The following GRAMD2A variants were observed in gnomAD, a reference collection of about 807,000 sequenced individuals.
The protein encoded by GRAMD2A is GRAM domain-containing protein 2A.
Under a neutral mutation model 51.1 loss-of-function variants are expected in GRAMD2A, and 37 were observed. That is an observed-to-expected ratio of 0.72 (90% CI 0.56 to 0.95). The LOEUF is 0.95. Ranked by LOEUF, GRAMD2A falls within the 40% of genes least tolerant of loss-of-function variation. GRAMD2A has a pLI of 0.00. For synonymous variants in GRAMD2A, 136 were observed against 157.1 expected (o/e 0.87, Z 1.01); for missense variants, 414 against 426.9 (o/e 0.97, Z 0.27).
intron 8 of GRAMD2A, chr15:72,163,994 C>T: frequency 4.3e-6 from 2 of 460,532 alleles, no homozygotes; most frequent in Non-Finnish European, 3.8e-6. Flanking sequence ...TTGAACACTG[C>T]TAGTGTAGAA....
Position 72,163,295 on chromosome 15 carries a change from A to C in GRAMD2A, c.927T>G (p.Asp309Glu). 2.5e-6 allele frequency: 4 copies of C among 1,614,020 alleles called. No individual in the cohort carries two copies. The highest frequency in any genetic ancestry group is 3.4e-6 in the Non-Finnish European group (4 of 1,179,924). ...CAAAGAAGACCTTGAGGAGCCGGTA[A>C]TCCCAGAGCCTCAGCTCCCCAGTGC... ...PRSTGELRLW[D>E]YRLLKVFFVL... The change falls in exon 10 of 12, where the codon GAT becomes GAG. Residue 309 changes from aspartate (D) to glutamate (E), a missense_variant. Asp to Glu is a conservative substitution (Grantham distance 45). Transcript: ENST00000309731.
rs777791404 is a variant in GRAMD2A at position 72,168,478 on chromosome 15, G to T, written c.268+13C>A. 4 of 1,607,364 alleles carry T rather than the reference G, an allele frequency of 2.5e-6. No homozygotes were observed. In the South Asian group the frequency reaches 3.3e-5, roughly 13 times the overall value. On this transcript the variant is annotated intron_variant, in intron 4 of 11. Transcript: ENST00000309731. The stretch of plus-strand genomic sequence containing the variant: ...TCTGGGTGCCTAACCAGCTATACCG[G>T]GAGACAGCTCACCTTTGAGAACCAC...
chr15:72,196,470 C>G (rs2081805960), intron 1 of GRAMD2A, among the ~76,000 whole-genome samples: 1 of 151,786 alleles, frequency 6.6e-6, no homozygotes, highest in African/African-American at 2.4e-5. Flanking sequence ...GAGCCAAGAT[C>G]CCACCACGGC....
chr15:72,192,043 T>C (rs2081771472), intron 1 of GRAMD2A, among the ~76,000 whole-genome samples: 1 of 152,222 alleles, frequency 6.6e-6, no homozygotes. Flanking sequence ...AATAATGATA[T>C]TGTAGAAATA....
chr15:72,165,853 C>T (rs566018274), intron 7 of GRAMD2A, among the ~76,000 whole-genome samples: 103 of 150,562 alleles, frequency 6.8e-4, no homozygotes, highest in African/African-American at 1.8e-3. Context: ...TTCCGGTTTT[C>T]GTTTTTTGTT....
intron 1 of GRAMD2A, among the ~76,000 whole-genome samples, chr15:72,194,478 G>A (rs2081790995): frequency 6.6e-6 from 1 of 152,062 alleles, no homozygotes; most frequent in Admixed American, 6.6e-5. Flanking sequence ...TAGCAAGAGG[G>A]CATGCTTATG....
intron 1 of GRAMD2A, among the ~76,000 whole-genome samples, chr15:72,195,438 G>A (rs1280197314): frequency 6.6e-6 from 1 of 152,192 alleles, no homozygotes; most frequent in Non-Finnish European, 1.5e-5. Flanking sequence ...GTTAGGGGCG[G>A]GGTGGAGCCA....
chr15:72,188,549 G>A (rs559252266), intron 1 of GRAMD2A, among the ~76,000 whole-genome samples: 13 of 152,210 alleles, frequency 8.5e-5, no homozygotes, highest in South Asian at 8.3e-4. Context: ...TTGGAAAAGC[G>A]TTCTGTAGAA....
At chr15:72,197,184 G>A (rs969210380) in intron 1 of GRAMD2A, among the ~76,000 whole-genome samples, 3 of 152,076 alleles carry the variant, frequency 2.0e-5, no homozygotes, top group African/African-American at 7.2e-5. Flanking sequence ...GATGGGCCTG[G>A]CGCCCGGGGG....
intron 3 of GRAMD2A, 130 bp from the exon 4 acceptor site, chr15:72,168,696 G>T: frequency 1.2e-6 from 1 of 806,828 alleles, no homozygotes; most frequent in Non-Finnish European, 2.1e-6. Context: ...CAGCTAGTAA[G>T]CAGCCAGTGA....
intron 1 of GRAMD2A, among the ~76,000 whole-genome samples, chr15:72,195,468 G>A (rs1354998623): frequency 6.6e-6 from 1 of 152,248 alleles, no homozygotes; most frequent in Middle Eastern, 3.4e-3. Flanking sequence ...CACTAACAGC[G>A]CAGCAGCTCA....
chr15:72,170,988 T>C lies in GRAMD2A; in HGVS notation c.42-1049A>G, dbSNP rs1034497412. ...CAAGATCTGCCAGGACCCTCAGAGA[T>C]TGATTCAGCCTCACCCGCTCCCACC... On this transcript the variant is annotated intron_variant, in intron 1 of 11. Transcript: ENST00000309731. The surrounding 1 kb of genome is among the most constrained non-coding windows in gnomAD (Gnocchi z 4.5). Among the ~76,000 whole-genome samples, 13 of 152,152 alleles carry C rather than the reference T, an allele frequency of 8.5e-5. No individual in the cohort carries two copies. Among genetic ancestry groups the C allele is most frequent in the Admixed American group, 5.2e-4 (8 of 15,278 alleles).
intron 1 of GRAMD2A, among the ~76,000 whole-genome samples, chr15:72,181,016 TCTC>T (rs2081692993): frequency 6.6e-6 from 1 of 152,144 alleles, no homozygotes; most frequent in South Asian, 2.1e-4. Context: ...TTGGAGCTCA[TCTC>T]CAAGGGATGC....
At chr15:72,196,888 G>A (rs2081808930) in intron 1 of GRAMD2A, among the ~76,000 whole-genome samples, 1 of 152,174 alleles carries the variant, frequency 6.6e-6, no homozygotes, top group African/African-American at 2.4e-5. Flanking sequence ...TTGGACACAA[G>A]GCTCACACAT....
chr15:72,188,458 T>TA, intron 1 of GRAMD2A, among the ~76,000 whole-genome samples: 1 of 152,180 alleles, frequency 6.6e-6, no homozygotes, highest in African/African-American at 2.4e-5. Flanking sequence ...GAAGGCTATG[T>TA]AACCATTAAA....
At chr15:72,168,048 C>G (rs973935849) in intron 4 of GRAMD2A, among the ~76,000 whole-genome samples, 6 of 152,190 alleles carry the variant, frequency 3.9e-5, no homozygotes, top group Admixed American at 6.5e-5. Context: ...ACTCCACCAG[C>G]CTGCTGGATG....
At chr15:72,179,573 G>A (rs1328734959) in intron 1 of GRAMD2A, among the ~76,000 whole-genome samples, 4 of 152,198 alleles carry the variant, frequency 2.6e-5, no homozygotes, top group Non-Finnish European at 5.9e-5. Context: ...GCTCCCCTAA[G>A]ATGCCCATTA....
chr15:72,180,282 GC>G (rs1386806117), intron 1 of GRAMD2A, among the ~76,000 whole-genome samples: 1 of 152,250 alleles, frequency 6.6e-6, no homozygotes, highest in East Asian at 1.9e-4. Flanking sequence ...CGCTGCTGGA[GC>G]GGCATCTATT....
chr15:72,177,400 CCA>C (rs751019018), intron 1 of GRAMD2A, among the ~76,000 whole-genome samples: 77 of 152,344 alleles, frequency 5.1e-4, no homozygotes, highest in African/African-American at 1.2e-3. Context: ...GTTTCACTGG[CCA>C]CACCCTCCTG....
Sources: gnomAD v4.1 joint callset for allele counts (sites outside exome capture counted in the v4.1 genomes callset) on GRCh38, gnomAD v4.1.1 for gene constraint, Gnocchi (gnomAD v3.1) non-coding constraint, MANE v1.5 for transcripts, NCBI Gene and HGNC (gene_info 2026-07-23, HGNC 2026-07-21) for gene names.